Variants in ZFAT observed in about 807,000 individuals in gnomAD.
ZFAT encodes zinc finger protein ZFAT.
In ZFAT, 64 loss-of-function variants were observed where a neutral mutation model predicts 117.7. The ratio of observed to expected loss-of-function variants is 0.54; its 90% CI spans 0.44 to 0.67. ZFAT has a LOEUF of 0.67. Ranked by LOEUF, ZFAT falls within the 30% of genes least tolerant of loss-of-function variation. The pLI, the probability that ZFAT is intolerant of heterozygous loss-of-function variation, is 0.00. For missense variants in ZFAT, 1,433 were observed against 1,584.5 expected (o/e 0.90, Z 1.62); for synonymous variants, 679 against 615.0 (o/e 1.10, Z -1.54).
intron 1 of ZFAT, among the ~76,000 whole-genome samples, chr8:134,668,593 C>T (rs28855770): frequency 0.033 from 4,980 of 152,312 alleles, 281 homozygotes; most frequent in African/African-American, 0.11. Flanking sequence ...CACACCAAAA[C>T]CCCATCTGTA....
intron 3 of ZFAT, among the ~76,000 whole-genome samples, chr8:134,622,436 C>T (rs957552340): frequency 6.6e-6 from 1 of 152,290 alleles, no homozygotes; most frequent in South Asian, 2.1e-4. Context: ...GGTGTGCATG[C>T]CCCGCGGGGC....
At chr8:134,616,203 G>A (rs755687801) in intron 3 of ZFAT, among the ~76,000 whole-genome samples, 4 of 152,220 alleles carry the variant, frequency 2.6e-5, no homozygotes, top group Non-Finnish European at 4.4e-5. Flanking sequence ...CCACATGACT[G>A]TGTGTTTCTC....
At chr8:134,612,785 CG>C (rs1470141092) in intron 3 of ZFAT, among the ~76,000 whole-genome samples, 1 of 152,160 alleles carries the variant, frequency 6.6e-6, no homozygotes, top group Non-Finnish European at 1.5e-5. Context: ...CAAGGCTAAA[CG>C]GAAAAAGTCA....
chr8:134,633,173 T>C (rs530922818), intron 3 of ZFAT, among the ~76,000 whole-genome samples: 1 of 151,072 alleles, frequency 6.6e-6, no homozygotes, highest in Non-Finnish European at 1.5e-5. Flanking sequence ...GACTGTGTGA[T>C]CTATCCAAGC....
the ZFAT span, among the ~76,000 whole-genome samples, chr8:134,727,905 C>A: frequency 2.0e-5 from 3 of 152,140 alleles, no homozygotes; most frequent in Non-Finnish European, 2.9e-5. Flanking sequence ...ATCTACTTAT[C>A]ATAATGATAA....
chr8:134,744,360 A>G, the ZFAT span, among the ~76,000 whole-genome samples: 2 of 149,748 alleles, frequency 1.3e-5, no homozygotes, highest in Non-Finnish European at 3.0e-5. Context: ...CAGTGGCATA[A>G]TCTTGGCTCA....
At chr8:134,786,859 A>ATTTTTTTTTTTTTTGGTTTTTTTTT in the ZFAT span, among the ~76,000 whole-genome samples, 1 of 100,428 alleles carries the variant, frequency 1.0e-5, no homozygotes. Context: ...TTTTTTTTTA[A>ATTTTTTTTTTTTTTGGTTTTTTTTT]TTTTAGACAG....
At chr8:134,516,267 T>G (rs1418968278) in intron 13 of ZFAT, among the ~76,000 whole-genome samples, 2 of 152,198 alleles carry the variant, frequency 1.3e-5, no homozygotes, top group Non-Finnish European at 2.9e-5. Context: ...AAAGCTTAAT[T>G]AGATTCAGAT....
the ZFAT span, among the ~76,000 whole-genome samples, chr8:134,831,741 C>T: frequency 6.6e-6 from 1 of 151,862 alleles, no homozygotes; most frequent in African/African-American, 2.4e-5. Flanking sequence ...GTCGCCGCGG[C>T]TGCACTCCAG....
At chr8:134,481,353 C>G (rs1202954047) in intron 15 of ZFAT, among the ~76,000 whole-genome samples, 1 of 152,140 alleles carries the variant, frequency 6.6e-6, no homozygotes, top group Non-Finnish European at 1.5e-5. Flanking sequence ...AACAAGCCCT[C>G]CACACTTCAG....
intron 1 of ZFAT, among the ~76,000 whole-genome samples, chr8:134,710,797 T>TA (rs1423976487): frequency 1.3e-5 from 2 of 152,178 alleles, no homozygotes; most frequent in Non-Finnish European, 2.9e-5. Context: ...AAAGCAAAGG[T>TA]GTCACTATCT....
chr8:134,589,322 G>T (rs1826281616), intron 8 of ZFAT, among the ~76,000 whole-genome samples: 1 of 152,166 alleles, frequency 6.6e-6, no homozygotes, highest in Non-Finnish European at 1.5e-5. Flanking sequence ...TCACAACTCT[G>T]TCCATTCCCA....
At chr8:134,734,316 C>A in the ZFAT span, among the ~76,000 whole-genome samples, 2 of 152,238 alleles carry the variant, frequency 1.3e-5, no homozygotes, top group African/African-American at 2.4e-5. Context: ...GCTCCCTCCA[C>A]TTCAGGCTGT....
chr8:134,809,900 CCACT>C, the ZFAT span, among the ~76,000 whole-genome samples: 4 of 152,048 alleles, frequency 2.6e-5, no homozygotes, highest in African/African-American at 4.8e-5. Flanking sequence ...GAAACAGTGC[CCACT>C]CAAAGACCTA....
At chr8:134,767,510 C>A in the ZFAT span, among the ~76,000 whole-genome samples, 19 of 152,118 alleles carry the variant, frequency 1.2e-4, no homozygotes, top group Non-Finnish European at 2.2e-4. Flanking sequence ...TTACTTTCAA[C>A]CTAGTACACA....
At chr8:134,494,283 C>A (rs1368069754) in intron 15 of ZFAT, among the ~76,000 whole-genome samples, 1 of 152,228 alleles carries the variant, frequency 6.6e-6, no homozygotes, top group Non-Finnish European at 1.5e-5. Context: ...TACATTTCCA[C>A]CTGCCTGACT....
At chr8:134,819,493 ACCACCCCCCCCCC>A in the ZFAT span, among the ~76,000 whole-genome samples, 1 of 19,444 alleles carries the variant, frequency 5.1e-5, no homozygotes, top group Non-Finnish European at 1.0e-4. Context: ...TGCCGGATTT[ACCACCCCCCCCCC>A]CCGCCCCCCA....
chr8:134,754,037 T>G, the ZFAT span, among the ~76,000 whole-genome samples: 1 of 152,168 alleles, frequency 6.6e-6, no homozygotes, highest in African/African-American at 2.4e-5. Flanking sequence ...GATGAAATAT[T>G]TGGGGTCAAT....
chr8:134,718,186 T>C, the ZFAT span, among the ~76,000 whole-genome samples: 34 of 152,234 alleles, frequency 2.2e-4, no homozygotes, highest in Non-Finnish European at 4.3e-4. Context: ...TAAGTTTTGA[T>C]TTATCAGTTG....
Sources: gnomAD v4.1 joint callset for allele counts (sites outside exome capture counted in the v4.1 genomes callset) on GRCh38, gnomAD v4.1.1 for gene constraint, MANE v1.5 for transcripts, NCBI Gene and HGNC (gene_info 2026-07-23, HGNC 2026-07-21) for gene names.